The following PACRGL variants were observed in gnomAD, a reference collection of about 807,000 sequenced individuals.
PACRGL encodes PACRG-like protein.
PACRGL carries 38 observed loss-of-function variants against 34.5 expected under a neutral mutation model. The ratio of observed to expected loss-of-function variants is 1.10; its 90% CI spans 0.85 to 1.44. PACRGL has a LOEUF of 1.44. Ranked by LOEUF, PACRGL falls within the 40% of genes most tolerant of loss-of-function variation. PACRGL has a pLI of 0.00. For synonymous variants in PACRGL, 128 were observed against 100.1 expected (o/e 1.28, Z -1.66); for missense variants, 305 against 281.4 (o/e 1.08, Z -0.60).
rs780926922 is a variant in PACRGL at position 20,704,723 on chromosome 4, G to A, written c.116G>A (p.Ser39Asn). ...QLKHRNAVQG[S>N]KSSLSTSSPE... ...AAACACAGGAATGCAGTTCAGGGAAGCAAATCCTCATTGTCAACCAGTTCT... is the reference window on the plus strand; with the variant it reads ...AAACACAGGAATGCAGTTCAGGGAAACAAATCCTCATTGTCAACCAGTTCT... Residue 39 changes from serine (S) to asparagine (N), a missense_variant, in exon 3 of 9, where the codon AGC becomes AAC. Ser to Asn is a conservative substitution (Grantham distance 46, BLOSUM62 1). Coordinates refer to ENST00000503585, the MANE Select transcript of PACRGL (RefSeq NM_001258345.3). The A allele has an allele frequency of 9.9e-6, 16 of 1,613,930 alleles. No individual in the cohort carries two copies. The East Asian group carries it at 3.1e-4, about 31-fold the overall frequency.
intron 7 of PACRGL, among the ~76,000 whole-genome samples, chr4:20,722,115 T>C (rs1028475514): frequency 3.3e-5 from 5 of 152,220 alleles, no homozygotes; most frequent in Non-Finnish European, 7.3e-5. Context: ...GGCATGGGAC[T>C]CTCTGAGCCA....
rs559558072 is a variant in PACRGL at position 20,728,216 on chromosome 4, TATTACAACTC to T, written c.*885_*894del. 3.3e-5 allele frequency: 5 copies of T among 152,386 alleles called. No individual in the cohort carries two copies. Among genetic ancestry groups the T allele is most frequent in the South Asian group, 2.1e-4 (1 of 4,832 alleles). The allele number at this position is 152,386 out of a possible 1,614,324, so 9.4% of individuals were successfully genotyped here. ...TAAATTCTATTACAAGTATGTTGTTTATTACAACTCATTACAACTACCTAAATTTTAGGTG... is the reference window on the plus strand; with the variant it reads ...TAAATTCTATTACAAGTATGTTGTTTATTACAACTACCTAAATTTTAGGTG... On this transcript the variant is annotated 3_prime_UTR_variant, in exon 9 of 9. Transcript: ENST00000503585.
intron 7 of PACRGL, among the ~76,000 whole-genome samples, chr4:20,721,898 G>A (rs1743429948): frequency 6.6e-6 from 1 of 152,234 alleles, no homozygotes; most frequent in Admixed American, 6.5e-5. Flanking sequence ...GCTGCCTTTT[G>A]TTTGGCTATG....
At position 20,731,775 on chromosome 4, in the gene PACRGL, C is replaced by T. The variant is rs1266730855; in HGVS notation, c.*4434C>T. ...GGGAATCAACACAGTACATGTACAA[C>T]TTTTGTATCCCCAGGGTTTCCTCCA... is the stretch of plus-strand genomic sequence containing the variant. On this transcript the variant is annotated 3_prime_UTR_variant, in exon 9 of 9. Transcript: ENST00000503585. 1.0e-6 allele frequency: 1 copy of T among 985,276 alleles called. No individual in the cohort carries two copies. Among genetic ancestry groups the T allele is most frequent in the Non-Finnish European group, 1.2e-6 (1 of 829,934 alleles). The allele number at this position is 985,276 out of a possible 1,614,324, so 61.0% of individuals were successfully genotyped here.
chr4:20,713,344 G>A, intron 6 of PACRGL, 88 bp from the exon 7 acceptor site: 3 of 923,678 alleles, frequency 3.2e-6, no homozygotes, highest in Non-Finnish European at 3.4e-6. Flanking sequence ...TTCTCTACTT[G>A]CTTGCCCTTT....
At chr4:20,742,832 A>T (rs1751474157) in intron 8 of PACRGL, among the ~76,000 whole-genome samples, 1 of 152,138 alleles carries the variant, frequency 6.6e-6, no homozygotes, top group African/African-American at 2.4e-5. Flanking sequence ...TCTCAGCCCA[A>T]AATCTCCTTA....
At chr4:20,712,721 C>T in intron 5 of PACRGL, 67 bp from the exon 6 acceptor site, 1 of 1,299,846 alleles carries the variant, frequency 7.7e-7, no homozygotes, top group East Asian at 2.8e-5. Flanking sequence ...CAAGTAAAGA[C>T]TCAATTTTTC....
upstream of PACRGL, among the ~76,000 whole-genome samples, chr4:20,699,212 C>G (rs1031471037): frequency 6.7e-6 from 1 of 148,762 alleles, no homozygotes; most frequent in Admixed American, 6.7e-5. Flanking sequence ...GCTGAAGATA[C>G]AGGATATAAG....
At chr4:20,760,553 T>A in the PACRGL span, among the ~76,000 whole-genome samples, 1 of 152,218 alleles carries the variant, frequency 6.6e-6, no homozygotes, top group African/African-American at 2.4e-5. Flanking sequence ...ATAAACAGTG[T>A]TAACAGTTTC....
downstream of PACRGL, among the ~76,000 whole-genome samples, chr4:20,757,826 G>A (rs1344882131): frequency 6.6e-6 from 1 of 152,174 alleles, no homozygotes; most frequent in Non-Finnish European, 1.5e-5. Context: ...GCCAGGGACA[G>A]GCACATATTA....
the PACRGL span, among the ~76,000 whole-genome samples, chr4:20,763,480 A>G: frequency 2.0e-5 from 3 of 152,162 alleles, no homozygotes; most frequent in Non-Finnish European, 4.4e-5. Context: ...AAAAGAGTAC[A>G]TGGAAACTTT....
chr4:20,748,558 TTTTATATATATATATA>T (rs1456920170), intron 8 of PACRGL, among the ~76,000 whole-genome samples: 6,336 of 118,466 alleles, frequency 0.053, 212 homozygotes, highest in East Asian at 0.11. Context: ...ACCTTCCAAA[TTTTATATATATATATA>T]TATATATATA....
intron 7 of PACRGL, among the ~76,000 whole-genome samples, chr4:20,723,607 T>C (rs1744375000): frequency 6.6e-6 from 1 of 152,160 alleles, no homozygotes; most frequent in East Asian, 1.9e-4. Context: ...AAGTCCCACC[T>C]CCGATGGCAG....
chr4:20,757,397 C>A (rs1266999311), downstream of PACRGL, among the ~76,000 whole-genome samples: 2 of 152,108 alleles, frequency 1.3e-5, no homozygotes, highest in South Asian at 2.1e-4. Flanking sequence ...GTATCCCAAA[C>A]ACAAATCAAA....
In PACRGL at chr4:20,730,302, A is replaced by ATGG. The variant is rs1475969829; in HGVS notation, c.*2962_*2963insGGT. On this transcript the variant is annotated 3_prime_UTR_variant, in exon 9 of 9. Transcript: ENST00000503585. ...CCATTCTATTCTATCCATTTTCCACATAGATGACTATGAAGGACCCATTTT... is the reference window on the plus strand; with the variant it reads ...CCATTCTATTCTATCCATTTTCCACATGGTAGATGACTATGAAGGACCCATTTT... 2.0e-5 allele frequency among the ~76,000 whole-genome samples: 3 copies of ATGG among 152,242 alleles called. No individual in the cohort carries two copies. The highest frequency in any genetic ancestry group is 2.9e-5 in the Non-Finnish European group (2 of 68,032).
chr4:20,721,114 A>T (rs1226110092), intron 7 of PACRGL, among the ~76,000 whole-genome samples: 1 of 152,078 alleles, frequency 6.6e-6, no homozygotes, highest in African/African-American at 2.4e-5. Flanking sequence ...CACTCGATTG[A>T]GTCGGCTACT....
chr4:20,764,530 G>C, the PACRGL span, among the ~76,000 whole-genome samples: 2 of 151,906 alleles, frequency 1.3e-5, no homozygotes, highest in South Asian at 2.1e-4. Flanking sequence ...AAGGAGAATC[G>C]TAAGACCAAC....
downstream of PACRGL, among the ~76,000 whole-genome samples, chr4:20,754,481 C>T (rs907910965): frequency 3.3e-5 from 5 of 152,162 alleles, no homozygotes; most frequent in Non-Finnish European, 5.9e-5. Flanking sequence ...ATTCGCCTGC[C>T]ATCAGAGATC....
At chr4:20,701,991 A>G in intron 1 of PACRGL, 1 of 449,350 alleles carries the variant, frequency 2.2e-6, no homozygotes. Context: ...TGTATGTTTA[A>G]TGCTGAAAAT....
Sources: allele counts gnomAD v4.1 joint callset (sites outside exome capture counted in the v4.1 genomes callset), GRCh38; gene constraint gnomAD v4.1.1; transcripts MANE v1.5; gene names NCBI Gene and HGNC (gene_info 2026-07-23, HGNC 2026-07-21).